Variants in KCNB2 observed in about 807,000 individuals in gnomAD.
KCNB2 encodes potassium voltage-gated channel subfamily B member 2.
Under a neutral mutation model 61.5 loss-of-function variants are expected in KCNB2, and 15 were observed. The observed-to-expected ratio is 0.24, with a 90% confidence interval of 0.16 to 0.38. The LOEUF is 0.38. Among genes scored for constraint, KCNB2 ranks in the 10% least tolerant of loss-of-function variants. KCNB2 has a pLI of 1.00. For synonymous variants in KCNB2, 457 were observed against 446.0 expected (o/e 1.02, Z -0.31); for missense variants, 828 against 1,125.2 (o/e 0.74, Z 3.78).
chr8:72,593,152 T>C (rs1399347079), intron 2 of KCNB2, among the ~76,000 whole-genome samples: 2 of 152,208 alleles, frequency 1.3e-5, no homozygotes, highest in Admixed American at 1.3e-4. Context: ...AGATAATGAG[T>C]ACTATATTTA....
chr8:72,860,671 G>A (rs1221705664), intron 2 of KCNB2, among the ~76,000 whole-genome samples: 2 of 152,150 alleles, frequency 1.3e-5, no homozygotes, highest in East Asian at 3.9e-4. Context: ...ACTATCTGAG[G>A]AAATGCACTT....
intron 2 of KCNB2, among the ~76,000 whole-genome samples, chr8:72,608,900 T>C (rs1447726646): frequency 3.3e-5 from 5 of 152,132 alleles, no homozygotes. Flanking sequence ...CCAAAGATCA[T>C]AAAAGGATGG....
intron 1 of KCNB2, among the ~76,000 whole-genome samples, chr8:72,562,984 A>G (rs1459366337): frequency 2.0e-5 from 3 of 152,242 alleles, no homozygotes; most frequent in African/African-American, 7.2e-5. Flanking sequence ...ATAAATTTAA[A>G]ATGAAAAGTT....
At chr8:72,577,188 A>G (rs969325508) in intron 2 of KCNB2, among the ~76,000 whole-genome samples, 5 of 152,064 alleles carry the variant, frequency 3.3e-5, no homozygotes, top group African/African-American at 7.2e-5. Context: ...CCTGAACCCA[A>G]CTGATGTTTG....
chr8:72,933,601 T>G (rs979285814), intron 2 of KCNB2, among the ~76,000 whole-genome samples: 3 of 152,244 alleles, frequency 2.0e-5, no homozygotes, highest in African/African-American at 7.2e-5. Context: ...TCTTGGTTCC[T>G]TATGATAAGA....
At chr8:72,689,011 G>A (rs1246348997) in intron 2 of KCNB2, among the ~76,000 whole-genome samples, 1 of 152,208 alleles carries the variant, frequency 6.6e-6, no homozygotes, top group African/African-American at 2.4e-5. Context: ...TTACAGGCAT[G>A]AGCCACCATG....
At chr8:72,883,534 C>T (rs1805751633) in intron 2 of KCNB2, among the ~76,000 whole-genome samples, 1 of 152,168 alleles carries the variant, frequency 6.6e-6, no homozygotes, top group South Asian at 2.1e-4. Context: ...CTGAGAATAG[C>T]ATAACCCAAC....
chr8:72,676,903 G>A (rs1806663301), intron 2 of KCNB2, among the ~76,000 whole-genome samples: 1 of 151,898 alleles, frequency 6.6e-6, no homozygotes, highest in African/African-American at 2.4e-5. Flanking sequence ...TCCTATTAAG[G>A]GCTGAATTTT....
chr8:72,718,564 A>C (rs1807488141), intron 2 of KCNB2, among the ~76,000 whole-genome samples: 1 of 151,852 alleles, frequency 6.6e-6, no homozygotes, highest in Non-Finnish European at 1.5e-5. Context: ...TTTCGCAAGG[A>C]CAAAAAACCA....
At chr8:72,892,774 C>T (rs1371954842) in intron 2 of KCNB2, among the ~76,000 whole-genome samples, 1 of 152,136 alleles carries the variant, frequency 6.6e-6, no homozygotes, top group East Asian at 1.9e-4. Context: ...TCTAAATCCT[C>T]TATGAAAACT....
chr8:72,817,041 TTG>T (rs1243488492), intron 2 of KCNB2, among the ~76,000 whole-genome samples: 1 of 152,210 alleles, frequency 6.6e-6, no homozygotes, highest in Non-Finnish European at 1.5e-5. Context: ...ATCCAATTTT[TTG>T]TACACCCTGA....
At chr8:72,812,823 T>G (rs1413011454) in intron 2 of KCNB2, among the ~76,000 whole-genome samples, 1 of 152,204 alleles carries the variant, frequency 6.6e-6, no homozygotes, top group Non-Finnish European at 1.5e-5. Context: ...TTGATATGCA[T>G]AAGTTCTTTG....
intron 2 of KCNB2, among the ~76,000 whole-genome samples, chr8:72,806,036 G>T (rs961512978): frequency 6.6e-6 from 1 of 152,088 alleles, no homozygotes; most frequent in African/African-American, 2.4e-5. Context: ...ACCCCCTATT[G>T]TTTTACTTTA....
Position 72,937,295 on chromosome 8 carries a change from G to A in KCNB2, c.1940G>A (p.Arg647Lys), listed in dbSNP as rs748277148. The A allele has an allele frequency of 6.2e-7, 1 of 1,614,002 alleles. No individual in the cohort carries two copies. The highest frequency in any genetic ancestry group is 1.1e-5 in the South Asian group (1 of 91,078). ...LPGTEEHQRARGPPFLTLSRE... is the reference protein window; with the variant it reads ...LPGTEEHQRAKGPPFLTLSRE... ...GGGACAGAAGAGCACCAAAGAGCTA[G>A]GGGCCCCCCGTTTCTAACTCTATCC... Residue 647 changes from arginine (R) to lysine (K), a missense_variant, in exon 3 of 3, where the codon AGG (arginine) becomes AAG (lysine). This residue lies in a region of KCNB2 where 559 missense variants were observed against 588.4 expected (regional missense o/e 0.95). Coordinates refer to ENST00000523207, the MANE Select transcript of KCNB2 (RefSeq NM_004770.3).
At chr8:72,808,942 T>C (rs1287917472) in intron 2 of KCNB2, among the ~76,000 whole-genome samples, 1 of 152,178 alleles carries the variant, frequency 6.6e-6, no homozygotes, top group Non-Finnish European at 1.5e-5. Flanking sequence ...CAATTCTAAT[T>C]TTGTATCTAT....
At chr8:72,924,117 G>C (rs1004682753) in intron 2 of KCNB2, among the ~76,000 whole-genome samples, 6 of 152,154 alleles carry the variant, frequency 3.9e-5, no homozygotes, top group African/African-American at 1.2e-4. Flanking sequence ...CAACTACCAA[G>C]TTGAATTGTG....
At chr8:72,835,432 G>T (rs1585920557) in intron 2 of KCNB2, among the ~76,000 whole-genome samples, 1 of 152,274 alleles carries the variant, frequency 6.6e-6, no homozygotes, top group African/African-American at 2.4e-5. Context: ...GAGTTCTCAA[G>T]GCAGAGTTCT....
intron 2 of KCNB2, among the ~76,000 whole-genome samples, chr8:72,575,090 T>C (rs1210517376): frequency 6.6e-6 from 1 of 152,180 alleles, no homozygotes; most frequent in Non-Finnish European, 1.5e-5. Flanking sequence ...GGTAGCCACC[T>C]CATATTGTTT....
In KCNB2 at chr8:72,937,366, C is replaced by T. The variant is rs779658119; in HGVS notation, c.2011C>T (p.Pro671Ser). The change falls in exon 3 of 3, where the codon CCA (proline) becomes TCA (serine). Residue 671 changes from proline to serine, a missense_variant. Pro to Ser is a moderately conservative substitution (Grantham distance 74, BLOSUM62 -1). Around this residue, in one of 4 missense-constraint regions of KCNB2, gnomAD observed 559 missense variants for 588.4 expected, o/e 0.95. Coordinates refer to ENST00000523207, the MANE Select transcript of KCNB2 (RefSeq NM_004770.3). ...CAGGGATGGCACGCTGGAGTATGCC[C>T]CAGTTGACATAACTGTGAACCTCGA... Reference protein sequence around the residue: ...AARDGTLEYAPVDITVNLDAS... With the variant: ...AARDGTLEYASVDITVNLDAS... The T allele has an allele frequency of 1.9e-6, 3 of 1,614,036 alleles. No homozygotes were observed. Among genetic ancestry groups the T allele is most frequent in the Non-Finnish European group, 2.5e-6 (3 of 1,180,006 alleles).
Sources: allele counts gnomAD v4.1 joint callset (sites outside exome capture counted in the v4.1 genomes callset), GRCh38; gene constraint gnomAD v4.1.1; regional missense constraint gnomAD v4.1.1; transcripts MANE v1.5; gene names NCBI Gene and HGNC (gene_info 2026-07-23, HGNC 2026-07-21).